The following UBE2F variants were observed in gnomAD, a reference collection of about 807,000 sequenced individuals.
UBE2F encodes ubiquitin conjugating enzyme E2 F (putative).
In UBE2F, 5 loss-of-function variants were observed where a neutral mutation model predicts 29.6. That is an observed-to-expected ratio of 0.17 (90% confidence interval 0.09 to 0.36). UBE2F has a LOEUF of 0.36. Among genes scored for constraint, UBE2F ranks in the 10% least tolerant of loss-of-function variants. The pLI is 1.00. For missense variants in UBE2F, 141 were observed against 228.5 expected (o/e 0.62, Z 2.47); for synonymous variants, 66 against 81.8 (o/e 0.81, Z 1.04).
chr2:237,978,068 C>T (rs147004668), intron 2 of UBE2F, among the ~76,000 whole-genome samples: 130 of 152,256 alleles, frequency 8.5e-4, no homozygotes, highest in Non-Finnish European at 1.3e-3. Flanking sequence ...CAAGAGCAAG[C>T]GCAAGCACAA....
chr2:238,033,026 T>A (rs2064621441), intron 8 of UBE2F, among the ~76,000 whole-genome samples: 1 of 152,196 alleles, frequency 6.6e-6, no homozygotes, highest in African/African-American at 2.4e-5. Context: ...TGGCTGTTAC[T>A]CTGGGGTCAC....
chr2:238,016,616 G>T lies in UBE2F; in HGVS notation c.265G>T (p.Asp89Tyr). The change falls in exon 5 of 10, where the codon GAT becomes TAT. Residue 89 changes from aspartate (D) to tyrosine (Y), a missense_variant. Asp to Tyr is a radical substitution (Grantham distance 160, BLOSUM62 -3). Transcript: ENST00000272930. ...GKFQFETEVP[D>Y]AYNMVPPKVK... ...ATTTCAGTTTGAAACTGAAGTTCCC[G>T]ATGCGTACAACATGGTGGTGAGTAG... is the stretch of plus-strand genomic sequence containing the variant. 6.2e-7 allele frequency: 1 copy of T among 1,613,478 alleles called. No homozygotes were observed. Among genetic ancestry groups the T allele is most frequent in the Non-Finnish European group, 8.5e-7 (1 of 1,179,788 alleles).
At chr2:237,998,026 A>G (rs977232142) in intron 4 of UBE2F, among the ~76,000 whole-genome samples, 4 of 152,202 alleles carry the variant, frequency 2.6e-5, no homozygotes, top group East Asian at 1.9e-4. Flanking sequence ...CCTGGCTGAC[A>G]TGTTGATGAA....
chr2:238,016,641 G>C lies in UBE2F; in HGVS notation c.282+8G>C, dbSNP rs368755507. 5.9e-5 allele frequency: 95 copies of C among 1,606,614 alleles called. No homozygotes were observed. Among genetic ancestry groups the C allele is most frequent in the Non-Finnish European group, 7.2e-5 (85 of 1,177,630 alleles). On this transcript the variant is annotated splice_region_variant and intron_variant, in intron 5 of 9. Coordinates refer to ENST00000272930, the MANE Select transcript of UBE2F (RefSeq NM_080678.3). ...GATGCGTACAACATGGTGGTGAGTA[G>C]CCTGCGTTGAGCCTGTTGTTTTACT...
Position 237,967,864 on chromosome 2 carries a change from TG to T in UBE2F, c.-17+735del, listed in dbSNP as rs2063091408. The stretch of plus-strand genomic sequence containing the variant: ...ATCTTGGGTGTGGCCTTCCCCTCCC[TG>T]GGCTCAGTTTCCTCATCTGTCACAG... On this transcript the variant is annotated intron_variant, in intron 1 of 9. Transcript: ENST00000272930. This position sits in a 1 kb window ranked among gnomAD's most constrained non-coding sequence, Gnocchi z 6.3. 6.6e-6 allele frequency among the ~76,000 whole-genome samples: 1 copy of T among 152,184 alleles called. No homozygotes were observed. Among genetic ancestry groups the T allele is most frequent in the African/African-American group, 2.4e-5 (1 of 41,442 alleles).
chr2:237,985,700 T>A (rs1311022552), intron 2 of UBE2F, among the ~76,000 whole-genome samples: 1 of 152,268 alleles, frequency 6.6e-6, no homozygotes, highest in Admixed American at 6.5e-5. Flanking sequence ...TTTTGTTGTC[T>A]TTGGGTAGAT....
At chr2:237,978,558 C>T (rs2063326655) in intron 2 of UBE2F, among the ~76,000 whole-genome samples, 1 of 152,188 alleles carries the variant, frequency 6.6e-6, no homozygotes, top group Non-Finnish European at 1.5e-5. Context: ...GGGGAGGCCT[C>T]CAGATGGCCG....
Position 237,988,573 on chromosome 2 carries a change from G to A in UBE2F, c.148+581G>A, listed in dbSNP as rs974178994. ...GGAGGTTGCAGTGAGCCAAGATTGC[G>A]CCATTGCACTCCAGCCTGGGTGACA... On this transcript the variant is annotated intron_variant, in intron 3 of 9. Transcript: ENST00000272930. 5.4e-5 allele frequency among the ~76,000 whole-genome samples: 8 copies of A among 149,290 alleles called. No individual in the cohort carries two copies. In the East Asian group the frequency reaches 1.2e-3, roughly 22 times the overall value.
chr2:237,978,547 T>C (rs141624640), intron 2 of UBE2F, among the ~76,000 whole-genome samples: 2 of 152,290 alleles, frequency 1.3e-5, no homozygotes, highest in African/African-American at 2.4e-5. Context: ...TGGCCGGCCA[T>C]GGGGAGGCCT....
chr2:237,983,072 C>T (rs1388065801), intron 2 of UBE2F, among the ~76,000 whole-genome samples: 1 of 152,168 alleles, frequency 6.6e-6, no homozygotes, highest in African/African-American at 2.4e-5. Context: ...TGGCTTCAAG[C>T]GATCCTCCTG....
chr2:238,031,504 A>G (rs1184162457), intron 7 of UBE2F, among the ~76,000 whole-genome samples: 1 of 152,176 alleles, frequency 6.6e-6, no homozygotes, highest in African/African-American at 2.4e-5. Flanking sequence ...GGGTGGGTGG[A>G]TGGATTGATG....
At chr2:238,017,248 A>G (rs909527573) in intron 5 of UBE2F, among the ~76,000 whole-genome samples, 2 of 152,210 alleles carry the variant, frequency 1.3e-5, no homozygotes, top group African/African-American at 4.8e-5. Context: ...GAGAATTCAG[A>G]GAAGGGAAAG....
chr2:237,986,659 T>G (rs1287025405), intron 2 of UBE2F, among the ~76,000 whole-genome samples: 1 of 152,236 alleles, frequency 6.6e-6, no homozygotes, highest in Non-Finnish European at 1.5e-5. Flanking sequence ...TACATTTAAG[T>G]CTTTAATTCA....
chr2:238,036,213 C>T (rs188466911), intron 9 of UBE2F, among the ~76,000 whole-genome samples: 17 of 152,252 alleles, frequency 1.1e-4, no homozygotes, highest in African/African-American at 3.6e-4. Flanking sequence ...CACTCTGTCA[C>T]CCAGGCTGGA....
intron 5 of UBE2F, 129 bp from the exon 6 acceptor site, chr2:238,025,213 C>T (rs936892365): frequency 2.1e-5 from 16 of 755,990 alleles, no homozygotes; most frequent in African/African-American, 2.1e-4. Flanking sequence ...ACGTGTTCAG[C>T]GAGTCAAACT....
intron 2 of UBE2F, among the ~76,000 whole-genome samples, chr2:237,978,981 T>G (rs966756656): frequency 5.9e-5 from 9 of 152,230 alleles, no homozygotes; most frequent in Non-Finnish European, 8.8e-5. Context: ...AATGCCTGTC[T>G]GTCTCCCTGT....
At chr2:238,007,452 T>G (rs988132221) in intron 4 of UBE2F, among the ~76,000 whole-genome samples, 3 of 152,188 alleles carry the variant, frequency 2.0e-5, no homozygotes, top group Non-Finnish European at 4.4e-5. Flanking sequence ...ATGCCCTTTA[T>G]CAGGTTGAGA....
intron 1 of UBE2F, chr2:237,968,871 G>A (rs755665101): frequency 2.1e-4 from 207 of 984,098 alleles, no homozygotes; most frequent in Non-Finnish European, 2.4e-4. Context: ...AAGAGTTGAA[G>A]CATATTGAAG....
chr2:238,038,063 G>T (rs553632169), intron 9 of UBE2F, among the ~76,000 whole-genome samples: 2 of 152,348 alleles, frequency 1.3e-5, no homozygotes, highest in African/African-American at 4.8e-5. Flanking sequence ...GAGCTCAGGA[G>T]GTGCTGCCTG....
Sources: allele counts gnomAD v4.1 joint callset (sites outside exome capture counted in the v4.1 genomes callset), GRCh38; gene constraint gnomAD v4.1.1; non-coding constraint Gnocchi (gnomAD v3.1); transcripts MANE v1.5; gene names NCBI Gene and HGNC (gene_info 2026-07-23, HGNC 2026-07-21).